The following ZNF704 variants were observed in gnomAD, a reference collection of about 807,000 sequenced individuals.
ZNF704 encodes the protein glucocorticoid induced gene 1.
ZNF704 carries 10 observed loss-of-function variants against 44.7 expected under a neutral mutation model. That is an observed-to-expected ratio of 0.22 (90% confidence interval 0.14 to 0.38). The LOEUF (loss-of-function observed/expected upper bound fraction) is 0.38, where lower values mean the gene tolerates loss of function less well. Among genes scored for constraint, ZNF704 ranks in the 10% least tolerant of loss-of-function variants. The pLI is 1.00. For synonymous variants in ZNF704, 211 were observed against 207.6 expected (o/e 1.02, Z -0.14); for missense variants, 390 against 545.5 (o/e 0.71, Z 2.84).
chr8:80,635,018 C>T lies in ZNF704; in HGVS notation c.*6348G>A, dbSNP rs1817644312. ...TCCTCAAGTGTGCAGATTCTAAAGC[C>T]TATTTGAAACCAAGGTCTGAGTGAC... On this transcript the variant is annotated 3_prime_UTR_variant, in exon 9 of 9. Transcript: ENST00000327835. 1 of 152,198 alleles carries T rather than the reference C, an allele frequency of 6.6e-6. No individual in the cohort carries two copies. Among genetic ancestry groups the T allele is most frequent in the Admixed American group, 6.5e-5 (1 of 15,284 alleles). 9.4% of individuals were successfully genotyped at this position (152,198 alleles called of 1,614,324 possible). A position where few individuals can be genotyped will look rare whatever the true frequency, so the allele number is the denominator to read the frequency against.
intron 1 of ZNF704, among the ~76,000 whole-genome samples, chr8:80,824,044 G>A (rs773316681): frequency 1.1e-4 from 16 of 152,114 alleles, no homozygotes; most frequent in Non-Finnish European, 2.1e-4. Context: ...GCACCTCCTC[G>A]CCAGCAACAG....
chr8:80,845,844 T>C (rs1377930641), intron 1 of ZNF704, among the ~76,000 whole-genome samples: 5 of 152,180 alleles, frequency 3.3e-5, no homozygotes. Flanking sequence ...CACTGTTTAT[T>C]ATCATCAAGG....
chr8:80,823,225 C>T (rs926890478), intron 1 of ZNF704, among the ~76,000 whole-genome samples: 1 of 152,238 alleles, frequency 6.6e-6, no homozygotes, highest in Non-Finnish European at 1.5e-5. Context: ...CTCACCCTAA[C>T]ACTGCGCTTT....
At chr8:80,735,573 G>A (rs907840544) in intron 2 of ZNF704, among the ~76,000 whole-genome samples, 9 of 152,190 alleles carry the variant, frequency 5.9e-5, no homozygotes, top group African/African-American at 2.2e-4. Flanking sequence ...TCATTGGACA[G>A]CGATGAGCCT....
At position 80,731,087 on chromosome 8, in the gene ZNF704, G is replaced by A. The variant is rs180863415; in HGVS notation, c.222-37980C>T. On this transcript the variant is annotated intron_variant, in intron 2 of 8. Coordinates refer to ENST00000327835, the MANE Select transcript of ZNF704 (RefSeq NM_001033723.3). The stretch of plus-strand genomic sequence containing the variant: ...ATATTCTTATGTTTGCCACCAAATT[G>A]ACATTTGAAGCCAGAATGGCCATCT... 4.3e-3 allele frequency among the ~76,000 whole-genome samples: 660 copies of A among 152,286 alleles called. 5 individuals are homozygous for A. The highest frequency in any genetic ancestry group is 0.015 in the African/African-American group (618 of 41,558).
chr8:80,738,672 T>C (rs1277083850), intron 2 of ZNF704, among the ~76,000 whole-genome samples: 1 of 151,998 alleles, frequency 6.6e-6, no homozygotes. Context: ...TTTCAAGAAC[T>C]TAGTAGAAAC....
At chr8:80,743,384 TAGTG>T (rs1368432239) in intron 2 of ZNF704, among the ~76,000 whole-genome samples, 2 of 152,232 alleles carry the variant, frequency 1.3e-5, no homozygotes, top group South Asian at 2.1e-4. Flanking sequence ...TGTATGAACT[TAGTG>T]GGTAAACATC....
chr8:80,878,262 AAGGAAG>A, upstream of ZNF704, among the ~76,000 whole-genome samples: 1 of 45,892 alleles, frequency 2.2e-5, no homozygotes, highest in Admixed American at 2.9e-4. Flanking sequence ...GAAAGGAAGG[AAGGAAG>A]GAAGGAAGGA....
intron 2 of ZNF704, among the ~76,000 whole-genome samples, chr8:80,711,037 C>T (rs1050316664): frequency 1.1e-4 from 16 of 152,134 alleles, no homozygotes; most frequent in African/African-American, 3.6e-4. Context: ...TGGAGGCCAG[C>T]TTGGTAGCAG....
chr8:80,696,109 G>C (rs1331675812), intron 2 of ZNF704, among the ~76,000 whole-genome samples: 3 of 152,168 alleles, frequency 2.0e-5, no homozygotes, highest in Non-Finnish European at 4.4e-5. Flanking sequence ...TAAACATGAA[G>C]AGATGATATA....
At chr8:80,792,950 A>G (rs971538511) in intron 2 of ZNF704, among the ~76,000 whole-genome samples, 1 of 152,250 alleles carries the variant, frequency 6.6e-6, no homozygotes, top group African/African-American at 2.4e-5. Context: ...AAACTGATGC[A>G]TGTTGTTTCA....
At chr8:80,743,826 A>G (rs1465455378) in intron 2 of ZNF704, among the ~76,000 whole-genome samples, 2 of 152,250 alleles carry the variant, frequency 1.3e-5, no homozygotes, top group African/African-American at 4.8e-5. Flanking sequence ...TGTGAAAATT[A>G]AATTAGATAA....
chr8:80,855,713 TCAC>T (rs942135948), intron 1 of ZNF704, among the ~76,000 whole-genome samples: 1 of 152,150 alleles, frequency 6.6e-6, no homozygotes, highest in African/African-American at 2.4e-5. Flanking sequence ...AGTTCTGACT[TCAC>T]CACTATACAA....
chr8:80,798,097 T>C (rs1807837718), intron 2 of ZNF704, among the ~76,000 whole-genome samples: 1 of 152,158 alleles, frequency 6.6e-6, no homozygotes, highest in African/African-American at 2.4e-5. Flanking sequence ...TTTGTGGATA[T>C]ACAGTAGGTG....
At chr8:80,722,985 G>A (rs1486576787) in intron 2 of ZNF704, among the ~76,000 whole-genome samples, 1 of 152,122 alleles carries the variant, frequency 6.6e-6, no homozygotes, top group African/African-American at 2.4e-5. Context: ...TTTTGCATGT[G>A]GTTTCCAATT....
intron 4 of ZNF704, among the ~76,000 whole-genome samples, chr8:80,676,676 C>T (rs1025090810): frequency 6.6e-6 from 1 of 152,204 alleles, no homozygotes; most frequent in African/African-American, 2.4e-5. Context: ...CAGCAGCAGT[C>T]CCCAACCTTT....
At chr8:80,691,752 C>T (rs967481185) in intron 3 of ZNF704, among the ~76,000 whole-genome samples, 2 of 152,192 alleles carry the variant, frequency 1.3e-5, no homozygotes, top group Non-Finnish European at 2.9e-5. Flanking sequence ...CTTGAATGAT[C>T]CTCAGGCACT....
At chr8:80,654,958 A>T (rs1195184558) in intron 7 of ZNF704, among the ~76,000 whole-genome samples, 7 of 152,118 alleles carry the variant, frequency 4.6e-5, no homozygotes, top group Admixed American at 6.6e-5. Context: ...CCAACAATGA[A>T]AGACTGGATT....
At chr8:80,694,603 T>G (rs1818696736) in intron 2 of ZNF704, among the ~76,000 whole-genome samples, 1 of 152,120 alleles carries the variant, frequency 6.6e-6, no homozygotes, top group South Asian at 2.1e-4. Flanking sequence ...GATAGAAACT[T>G]CATAGCACTG....
Sources: allele counts gnomAD v4.1 joint callset (sites outside exome capture counted in the v4.1 genomes callset), GRCh38; gene constraint gnomAD v4.1.1; transcripts MANE v1.5; gene names NCBI Gene and HGNC (gene_info 2026-07-23, HGNC 2026-07-21).